The following GARIN2 variants were observed in gnomAD, a reference collection of about 807,000 sequenced individuals.
GARIN2 encodes the protein golgi associated RAB2 interactor family member 2, also known as Golgi-associated RAB2 interactor protein 2.
At chr14:67,192,616 C>T in the GARIN2 span, among the ~76,000 whole-genome samples, 2 of 151,678 alleles carry the variant, frequency 1.3e-5, no homozygotes, top group African/African-American at 4.8e-5. Flanking sequence ...ATTTCTTAAG[C>T]ATCAGTTTAA....
chr14:67,212,333 G>T, the GARIN2 span, among the ~76,000 whole-genome samples: 2 of 151,788 alleles, frequency 1.3e-5, no homozygotes, highest in African/African-American at 4.8e-5. Flanking sequence ...AGGGCCAGGC[G>T]CAGTGTCTCA....
the GARIN2 span, among the ~76,000 whole-genome samples, chr14:67,226,186 A>G: frequency 1.3e-5 from 2 of 151,852 alleles, no homozygotes; most frequent in Non-Finnish European, 2.9e-5. Flanking sequence ...TTACTTGTTT[A>G]TTTATTTTTA....
At chr14:67,206,194 A>G in the GARIN2 span, among the ~76,000 whole-genome samples, 1 of 151,650 alleles carries the variant, frequency 6.6e-6, no homozygotes, top group Non-Finnish European at 1.5e-5. Flanking sequence ...AAAACACAAA[A>G]CAAAAGAAAA....
the GARIN2 span, chr14:67,199,425 C>T: frequency 6.2e-7 from 1 of 1,613,400 alleles, no homozygotes; most frequent in Non-Finnish European, 8.5e-7. Context: ...ACTTTCAGCG[C>T]CTTTGGGGTC....
At chr14:67,192,647 G>A in the GARIN2 span, among the ~76,000 whole-genome samples, 2 of 151,252 alleles carry the variant, frequency 1.3e-5, no homozygotes, top group Non-Finnish European at 2.9e-5. Context: ...CAATTATTTT[G>A]CCACTCTTTA....
At chr14:67,195,506 A>G in the GARIN2 span, among the ~76,000 whole-genome samples, 1 of 151,990 alleles carries the variant, frequency 6.6e-6, no homozygotes, top group Admixed American at 6.6e-5. Context: ...CCGTAGACAC[A>G]CCCTCCAGTA....
At chr14:67,193,768 C>T in the GARIN2 span, among the ~76,000 whole-genome samples, 1 of 140,130 alleles carries the variant, frequency 7.1e-6, no homozygotes, top group African/African-American at 2.6e-5. Context: ...CACAGGAAGA[C>T]CCAATTTCTA....
At chr14:67,205,931 C>G in the GARIN2 span, among the ~76,000 whole-genome samples, 1 of 152,202 alleles carries the variant, frequency 6.6e-6, no homozygotes, top group Non-Finnish European at 1.5e-5. Flanking sequence ...CATCTGTAAT[C>G]CCGGCACTTT....
the GARIN2 span, chr14:67,222,083 A>T: frequency 5.3e-6 from 2 of 377,034 alleles, no homozygotes; most frequent in Non-Finnish European, 9.4e-6. Context: ...AGTTCCCTGT[A>T]TCTAAATCAT....
chr14:67,204,940 C>T, the GARIN2 span: 20 of 1,612,172 alleles, frequency 1.2e-5, no homozygotes, highest in Admixed American at 6.7e-5. Context: ...AAATGAGGTC[C>T]CAGAGGTCCC....
chr14:67,200,377 C>G, the GARIN2 span: 176 of 607,944 alleles, frequency 2.9e-4, 2 homozygotes, highest in Non-Finnish European at 3.8e-4. Flanking sequence ...CTTTTCGATA[C>G]CTTGGACCAA....
the GARIN2 span, chr14:67,208,052 C>G: frequency 8.4e-7 from 1 of 1,188,306 alleles, no homozygotes; most frequent in Non-Finnish European, 1.1e-6. Context: ...AATGGTCGTG[C>G]CATTCTAAGC....
At chr14:67,200,581 C>T in the GARIN2 span, 1 of 223,950 alleles carries the variant, frequency 4.5e-6, no homozygotes, top group South Asian at 7.1e-5. Context: ...CTTCATCTTC[C>T]ATTAACACGT....
the GARIN2 span, among the ~76,000 whole-genome samples, chr14:67,214,906 G>T: frequency 6.6e-6 from 1 of 151,962 alleles, no homozygotes; most frequent in African/African-American, 2.4e-5. Flanking sequence ...GGATTCCTAG[G>T]TATTTTATTC....
chr14:67,222,999 CTTTT>C, the GARIN2 span, among the ~76,000 whole-genome samples: 2 of 124,804 alleles, frequency 1.6e-5, no homozygotes, highest in Non-Finnish European at 1.7e-5. Context: ...TCCCATTGGG[CTTTT>C]TTTTTTTTTT....
the GARIN2 span, among the ~76,000 whole-genome samples, chr14:67,191,124 C>T: frequency 2.0e-5 from 3 of 152,154 alleles, no homozygotes; most frequent in East Asian, 1.9e-4. Flanking sequence ...ATCCCAGCTA[C>T]TCAGGAGGCT....
chr14:67,193,400 G>T, the GARIN2 span, among the ~76,000 whole-genome samples: 3 of 133,728 alleles, frequency 2.2e-5, no homozygotes, highest in East Asian at 2.2e-4. Flanking sequence ...GATATATCTA[G>T]ATATATATCT....
chr14:67,190,503 G>A, the GARIN2 span, among the ~76,000 whole-genome samples: 10 of 152,302 alleles, frequency 6.6e-5, no homozygotes, highest in South Asian at 8.3e-4. Context: ...GATTACAGGC[G>A]TGAGCCGTTG....
chr14:67,227,509 T>C, the GARIN2 span: 1 of 151,300 alleles, frequency 6.6e-6, no homozygotes, highest in Non-Finnish European at 1.5e-5. Context: ...TGCTGATATA[T>C]GGGAAAAGGT....
Sources: allele counts gnomAD v4.1 joint callset (sites outside exome capture counted in the v4.1 genomes callset), GRCh38; gene constraint gnomAD v4.1.1; transcripts MANE v1.5; gene names NCBI Gene and HGNC (gene_info 2026-07-23, HGNC 2026-07-21).